The following STK10 variants were observed in gnomAD, a reference collection of about 807,000 sequenced individuals.
STK10 encodes serine/threonine-protein kinase 10.
Under a neutral mutation model 113.8 loss-of-function variants are expected in STK10, and 78 were observed. That is an observed-to-expected ratio of 0.69 (90% CI 0.57 to 0.83). The LOEUF (loss-of-function observed/expected upper bound fraction) is 0.83. Ranked by LOEUF, STK10 falls within the 40% of genes least tolerant of loss-of-function variation. The pLI, the probability that STK10 is intolerant of heterozygous loss-of-function variation, is 0.00. For missense variants in STK10, 1,109 were observed against 1,280.1 expected, an observed-to-expected ratio of 0.87 and a Z score of 2.04; for synonymous variants, 465 against 494.7, an observed-to-expected ratio of 0.94 and a Z score of 0.80.
chr5:172,095,314 C>A (rs1768823528), intron 8 of STK10, among the ~76,000 whole-genome samples: 2 of 152,192 alleles, frequency 1.3e-5, no homozygotes, highest in Admixed American at 6.5e-5. Context: ...CCAGTCCCTG[C>A]CTGAAACCCT....
At position 172,082,600 on chromosome 5, in the gene STK10, T is replaced by C. The variant is rs543640027; in HGVS notation, c.1810-95A>G. 6.5e-5 allele frequency: 93 copies of C among 1,440,162 alleles called. 1 individual carries two copies. In the East Asian group the frequency reaches 1.3e-3, roughly 20 times the overall value. The allele number at this position is 1,440,162 out of a possible 1,614,324, so 89.2% of individuals were successfully genotyped here. ...AATGGGGAGAACTCAGAGCTTGTGA[T>C]CAGACCTAAGCTTGAATCCCAGCTC... On this transcript the variant is annotated intron_variant, in intron 11 of 18. Coordinates refer to ENST00000176763, the MANE Select transcript of STK10 (RefSeq NM_005990.4). This position sits in a 1 kb window ranked among gnomAD's most constrained non-coding sequence, Gnocchi z 4.3.
intron 12 of STK10, among the ~76,000 whole-genome samples, chr5:172,071,772 TTC>T (rs952606144): frequency 2.0e-5 from 3 of 151,986 alleles, no homozygotes; most frequent in African/African-American, 2.4e-5. Context: ...CCACTCTGAA[TTC>T]TCTCTCTCTC....
chr5:172,106,684 G>A lies in STK10; in HGVS notation c.724C>T (p.Pro242Ser). 6.2e-7 allele frequency: 1 copy of A among 1,614,014 alleles called. No homozygotes were observed. The highest frequency in any genetic ancestry group is 8.5e-7 in the Non-Finnish European group (1 of 1,180,018). ...GCGATCTTTAGCAGGACCCGCATGG[G>A]GTTGAGCTCGTGGTGTGGCGGCTCG... The part of the protein sequence containing the change: ...QIEPPHHELN[P>S]MRVLLKIAKS... The change falls in exon 6 of 19, where the codon CCC (proline) becomes TCC (serine). Residue 242 changes from proline (P) to serine (S), a missense_variant. Pro to Ser is a moderately conservative substitution (Grantham distance 74). Coordinates refer to ENST00000176763, the MANE Select transcript of STK10 (RefSeq NM_005990.4).
intron 2 of STK10, among the ~76,000 whole-genome samples, chr5:172,141,733 C>T (rs1449898109): frequency 6.6e-6 from 1 of 152,144 alleles, no homozygotes; most frequent in Non-Finnish European, 1.5e-5. Context: ...CTCCTTGTTT[C>T]CCTGGCAACC....
chr5:172,094,546 C>A (rs552127956), intron 8 of STK10, among the ~76,000 whole-genome samples: 151 of 151,960 alleles, frequency 9.9e-4, no homozygotes, highest in Non-Finnish European at 1.9e-3. Flanking sequence ...CCACACCCAG[C>A]TAATTTTTGC....
chr5:172,055,497 T>G, intron 16 of STK10, 91 bp downstream of exon 16: 1 of 1,221,756 alleles, frequency 8.2e-7, no homozygotes, highest in Non-Finnish European at 1.0e-6. Flanking sequence ...TTGTTTCATA[T>G]TCTCCAAAAC....
chr5:172,128,995 C>G (rs991008758), intron 2 of STK10, among the ~76,000 whole-genome samples: 1 of 152,160 alleles, frequency 6.6e-6, no homozygotes, highest in Non-Finnish European at 1.5e-5. Context: ...TGTGGTGATG[C>G]GTGGCTTTGG....
chr5:172,125,145 C>T (rs909784656), intron 3 of STK10, among the ~76,000 whole-genome samples: 1 of 152,128 alleles, frequency 6.6e-6, no homozygotes, highest in Non-Finnish European at 1.5e-5. Context: ...TTGGTACATC[C>T]GCATTTGTGG....
chr5:172,060,053 G>C (rs559737432), intron 14 of STK10, among the ~76,000 whole-genome samples: 2 of 152,284 alleles, frequency 1.3e-5, no homozygotes, highest in Admixed American at 1.3e-4. Flanking sequence ...GGCTTTTTGG[G>C]AGGTGATTAG....
intron 5 of STK10, 126 bp from the exon 6 acceptor site, chr5:172,106,940 C>T (rs1214488620): frequency 1.5e-5 from 14 of 920,836 alleles, no homozygotes; most frequent in Non-Finnish European, 2.2e-5. Context: ...TCATGATCTG[C>T]GTGACTTTGC....
intron 4 of STK10, among the ~76,000 whole-genome samples, chr5:172,113,435 T>C (rs1249963717): frequency 6.6e-6 from 1 of 152,210 alleles, no homozygotes; most frequent in Non-Finnish European, 1.5e-5. Context: ...AGTATCCAAT[T>C]CAGGGCTTTC....
chr5:172,127,608 GC>G (rs1769653054), intron 2 of STK10, among the ~76,000 whole-genome samples, 187 bp from the exon 3 acceptor site: 1 of 152,188 alleles, frequency 6.6e-6, no homozygotes, highest in African/African-American at 2.4e-5. Flanking sequence ...CTCACTGGAG[GC>G]TCTGACACCC....
chr5:172,187,851 C>T lies in STK10; in HGVS notation c.156+36G>A. Reference sequence around the variant, plus strand: ...GGCATCCCTTCCTTCCGGAGCCCCTCGACGCGCGTCCGGCCACCCACCTCA... The same window carrying T: ...GGCATCCCTTCCTTCCGGAGCCCCTTGACGCGCGTCCGGCCACCCACCTCA... On this transcript the variant is annotated intron_variant, in intron 1 of 18. Coordinates refer to ENST00000176763, the MANE Select transcript of STK10 (RefSeq NM_005990.4). The surrounding 1 kb of genome is among the most constrained non-coding windows in gnomAD (Gnocchi z 4.6). 1 of 1,605,842 alleles carries T rather than the reference C, an allele frequency of 6.2e-7. No individual in the cohort carries two copies. Among genetic ancestry groups the T allele is most frequent in the Non-Finnish European group, 8.5e-7 (1 of 1,176,582 alleles).
At chr5:172,105,867 G>A (rs1769092904) in intron 6 of STK10, 130 bp from the exon 7 acceptor site, 1 of 735,174 alleles carries the variant, frequency 1.4e-6, no homozygotes, top group South Asian at 1.6e-5. Context: ...CTAAAACAGT[G>A]ACAGGGCCTA....
chr5:172,072,281 T>TC (rs369363197), intron 12 of STK10, among the ~76,000 whole-genome samples: 2 of 96,694 alleles, frequency 2.1e-5, no homozygotes, highest in African/African-American at 1.3e-4. Flanking sequence ...TTTCTTTTTT[T>TC]TTTGAGATGG....
At position 172,054,534 on chromosome 5, in the gene STK10, C is replaced by T. The variant is rs200914979; in HGVS notation, c.2652+35G>A. 1,394 of 1,595,340 alleles carry T rather than the reference C, an allele frequency of 8.7e-4. 24 individuals carry two copies. The South Asian group carries it at 0.012, about 14-fold the overall frequency. On this transcript the variant is annotated intron_variant, in intron 17 of 18. Coordinates refer to ENST00000176763, the MANE Select transcript of STK10 (RefSeq NM_005990.4). ...GATGGCCTTGGGGAAACTGAGGCAG[C>T]CTGGGGGCAGGGGCAGGGGCAGGCA...
intron 7 of STK10, 84 bp from the exon 8 acceptor site, chr5:172,096,644 C>T (rs1008453972): frequency 2.4e-5 from 37 of 1,556,530 alleles, no homozygotes; most frequent in Middle Eastern, 3.4e-4. Flanking sequence ...ACCCCCGGGG[C>T]AGAAAAGGCC....
At chr5:172,080,115 A>G (rs545271977) in intron 12 of STK10, among the ~76,000 whole-genome samples, 136 of 152,150 alleles carry the variant, frequency 8.9e-4, no homozygotes, top group African/African-American at 2.6e-3. Context: ...TATTATCTCT[A>G]TTATGACGAT....
At position 172,106,623 on chromosome 5, in the gene STK10, T is replaced by C; in HGVS notation, c.785A>G (p.Lys262Arg). ...SDPPTLLTPSKWSVEFRDFLK... is the reference protein window; with the variant it reads ...SDPPTLLTPSRWSVEFRDFLK... ...TGGCCCTGCCCCTGCCCCTCACCAC[T>C]TAGAGGGCGTGAGCAGCGTGGGAGG... Residue 262 changes from lysine (K) to arginine (R), a missense_variant, in exon 6 of 19, where the codon AAG (lysine) becomes AGG (arginine). Physicochemically the swap from Lys to Arg is conservative, Grantham distance 26. Coordinates refer to ENST00000176763, the MANE Select transcript of STK10 (RefSeq NM_005990.4). The C allele has an allele frequency of 3.7e-6, 6 of 1,611,688 alleles. No individual in the cohort carries two copies. Among genetic ancestry groups the C allele is most frequent in the Non-Finnish European group, 5.1e-6 (6 of 1,179,576 alleles).
Sources: gnomAD v4.1 joint callset for allele counts (sites outside exome capture counted in the v4.1 genomes callset) on GRCh38, gnomAD v4.1.1 for gene constraint, Gnocchi (gnomAD v3.1) non-coding constraint, MANE v1.5 for transcripts, NCBI Gene and HGNC (gene_info 2026-07-23, HGNC 2026-07-21) for gene names.